The following PLEKHA7 variants were observed in gnomAD, a reference collection of about 807,000 sequenced individuals.
PLEKHA7 encodes the protein pleckstrin homology domain-containing family A member 7.
A neutral mutation model predicts 170.0 loss-of-function variants in PLEKHA7; 104 were observed. That is an observed-to-expected ratio of 0.61 (90% CI 0.52 to 0.72). The LOEUF (loss-of-function observed/expected upper bound fraction) is 0.72. PLEKHA7 is among the 30% of genes least tolerant of loss of function. The probability of loss-of-function intolerance (pLI) is 0.00; values close to 1 mark genes in which losing one functional copy is unlikely to be tolerated. For synonymous variants in PLEKHA7, 648 were observed against 660.8 expected, an observed-to-expected ratio of 0.98 and a Z score of 0.30; for missense variants, 1,615 against 1,671.7, an observed-to-expected ratio of 0.97 and a Z score of 0.59.
chr11:17,013,460 T>C (rs1308719469), intron 3 of PLEKHA7: 26 of 152,962 alleles, frequency 1.7e-4, no homozygotes, highest in South Asian at 2.1e-4. Flanking sequence ...GCCCGCGCAG[T>C]GGATGGAGGC....
chr11:16,965,480 G>C (rs371809377), intron 3 of PLEKHA7, among the ~76,000 whole-genome samples: 45 of 152,294 alleles, frequency 3.0e-4, no homozygotes, highest in Middle Eastern at 6.8e-3. Context: ...CTTAGTGCCT[G>C]ACACTTCTCT....
At chr11:16,848,092 G>A (rs1852606292) in intron 8 of PLEKHA7, among the ~76,000 whole-genome samples, 1 of 152,196 alleles carries the variant, frequency 6.6e-6, no homozygotes, top group Non-Finnish European at 1.5e-5. Context: ...AGACAGAATA[G>A]TGGCAGCAGA....
At chr11:16,932,797 G>A (rs1207826538) in intron 3 of PLEKHA7, among the ~76,000 whole-genome samples, 2 of 152,240 alleles carry the variant, frequency 1.3e-5, no homozygotes, top group Admixed American at 1.3e-4. Flanking sequence ...CTAAGGTGTG[G>A]TATTTAAGCT....
chr11:16,826,067 G>GCCACTACATT, intron 10 of PLEKHA7, 53 bp downstream of exon 10: 1 of 1,537,038 alleles, frequency 6.5e-7, no homozygotes, highest in East Asian at 2.3e-5. Context: ...GACAGCTCTT[G>GCCACTACATT]CCACTACATT....
intron 10 of PLEKHA7, among the ~76,000 whole-genome samples, chr11:16,818,193 A>G (rs556393999): frequency 6.6e-6 from 1 of 152,320 alleles, no homozygotes; most frequent in East Asian, 1.9e-4. Context: ...CAAGCTTGAC[A>G]CTTGCTGGCT....
chr11:16,790,748 A>T (rs745894758), intron 21 of PLEKHA7, 50 bp downstream of exon 21: 2 of 1,557,488 alleles, frequency 1.3e-6, no homozygotes, highest in Non-Finnish European at 1.8e-6. Context: ...GAAGGCTGGA[A>T]GCAGTGTGGT....
At chr11:16,831,844 G>A (rs433212) in intron 9 of PLEKHA7, among the ~76,000 whole-genome samples, 24,457 of 152,144 alleles carry the variant, frequency 0.16, 2,389 homozygotes, top group African/African-American at 0.27. Context: ...TATGCCCTCA[G>A]ATACAAATGT....
chr11:16,989,368 G>A (rs932189115), intron 3 of PLEKHA7, among the ~76,000 whole-genome samples: 1 of 152,126 alleles, frequency 6.6e-6, no homozygotes, highest in African/African-American at 2.4e-5. Flanking sequence ...CCTCAGCTAC[G>A]AAATGAGCTA....
intron 3 of PLEKHA7, among the ~76,000 whole-genome samples, chr11:16,872,193 C>G (rs1003820495): frequency 6.6e-6 from 1 of 151,916 alleles, no homozygotes; most frequent in Non-Finnish European, 1.5e-5. Context: ...GGTCTCAAAT[C>G]TCTGACCTCA....
chr11:16,936,900 T>C (rs1050616703), intron 3 of PLEKHA7, among the ~76,000 whole-genome samples: 8 of 152,228 alleles, frequency 5.3e-5, no homozygotes, highest in African/African-American at 1.9e-4. Flanking sequence ...ACACAGACAC[T>C]TGTAGCTCTG....
Position 16,879,633 on chromosome 11 carries a change from C to T in PLEKHA7, c.222-8451G>A, listed in dbSNP as rs537929523. ...CTGAGGGGCAGTTAGTAACCGTGTTCAGTGTCCAAATGTGCCAAAGGGAAC... is the reference window on the plus strand; with the variant it reads ...CTGAGGGGCAGTTAGTAACCGTGTTTAGTGTCCAAATGTGCCAAAGGGAAC... On this transcript the variant is annotated intron_variant, in intron 3 of 26. Transcript: ENST00000531066. Among the ~76,000 whole-genome samples the T allele has an allele frequency of 1.8e-4, 28 of 152,316 alleles. 1 individual carries two copies. In the South Asian group the frequency reaches 5.6e-3, roughly 30 times the overall value.
At chr11:16,967,681 C>T (rs897527666) in intron 3 of PLEKHA7, among the ~76,000 whole-genome samples, 1 of 152,164 alleles carries the variant, frequency 6.6e-6, no homozygotes, top group Non-Finnish European at 1.5e-5. Context: ...CAATCAGCTC[C>T]CCTTCTGCAA....
intron 4 of PLEKHA7, among the ~76,000 whole-genome samples, chr11:16,866,849 A>T (rs1854438637): frequency 6.6e-6 from 1 of 152,148 alleles, no homozygotes; most frequent in Admixed American, 6.5e-5. Context: ...CTGTAAAATG[A>T]GAAACCATCG....
At chr11:16,942,890 A>T (rs1345484012) in intron 3 of PLEKHA7, among the ~76,000 whole-genome samples, 1 of 152,238 alleles carries the variant, frequency 6.6e-6, no homozygotes, top group Non-Finnish European at 1.5e-5. Flanking sequence ...TGCCCTTTAG[A>T]TTCTATTTCA....
chr11:16,884,143 C>T (rs1299761415), intron 3 of PLEKHA7, among the ~76,000 whole-genome samples: 1 of 152,150 alleles, frequency 6.6e-6, no homozygotes, highest in Non-Finnish European at 1.5e-5. Flanking sequence ...CACAGGTTTC[C>T]CTAGGACTCC....
chr11:16,867,705 C>G (rs776582261), intron 4 of PLEKHA7, among the ~76,000 whole-genome samples: 14 of 152,116 alleles, frequency 9.2e-5, no homozygotes, highest in Non-Finnish European at 1.8e-4. Flanking sequence ...TTGCAGCCCC[C>G]CTCTTCAACC....
chr11:16,969,528 A>G (rs1396247696), intron 3 of PLEKHA7, among the ~76,000 whole-genome samples: 3 of 152,146 alleles, frequency 2.0e-5, no homozygotes, highest in Non-Finnish European at 4.4e-5. Flanking sequence ...ATATTGCAAT[A>G]TGATGGACAT....
At chr11:16,923,047 A>G (rs1291687616) in intron 3 of PLEKHA7, among the ~76,000 whole-genome samples, 2 of 152,114 alleles carry the variant, frequency 1.3e-5, no homozygotes, top group Non-Finnish European at 2.9e-5. Flanking sequence ...CCACAGTCTG[A>G]TACCTGCCTC....
intron 3 of PLEKHA7, among the ~76,000 whole-genome samples, chr11:16,873,859 G>GT (rs1383530625): frequency 6.6e-6 from 1 of 152,030 alleles, no homozygotes; most frequent in Non-Finnish European, 1.5e-5. Context: ...TAGAGGCAGG[G>GT]TTTCACCATG....
Sources: gnomAD v4.1 joint callset for allele counts (sites outside exome capture counted in the v4.1 genomes callset) on GRCh38, gnomAD v4.1.1 for gene constraint, MANE v1.5 for transcripts, NCBI Gene and HGNC (gene_info 2026-07-23, HGNC 2026-07-21) for gene names.